UBR4: variants seen among roughly 807,000 people sequenced by gnomAD.
UBR4 encodes the protein ubiquitin protein ligase E3 component n-recognin 4, also known as E3 ubiquitin-protein ligase UBR4.
In UBR4, 124 loss-of-function variants were observed where a neutral mutation model predicts 575.6. The ratio of observed to expected loss-of-function variants is 0.22; its 90% CI spans 0.19 to 0.25. The LOEUF (loss-of-function observed/expected upper bound fraction) is 0.25. UBR4 is among the 10% of genes least tolerant of loss of function. The pLI, the probability that UBR4 is intolerant of heterozygous loss-of-function variation, is 1.00. For missense variants in UBR4, 4,818 were observed against 6,478.8 expected (o/e 0.74, Z 8.80); for synonymous variants, 2,455 against 2,473.7 (o/e 0.99, Z 0.22).
chr1:19,120,474 G>A (rs1006532024), intron 68 of UBR4, 126 bp from the exon 69 acceptor site: 7 of 1,222,612 alleles, frequency 5.7e-6, no homozygotes, highest in East Asian at 2.4e-5. Context: ...ACTGAATGCT[G>A]ATATTCTGCA....
Position 19,110,243 on chromosome 1 carries a change from G to T in UBR4, c.11978-20C>A. The stretch of plus-strand genomic sequence containing the variant: ...TGAGAGCTAGGGATGGTCAGGAAAG[G>T]CAGAGTCACAATCAGGAACACTACA... On this transcript the variant is annotated intron_variant, in intron 80 of 105. Transcript: ENST00000375254. This position sits in a 1 kb window ranked among gnomAD's most constrained non-coding sequence, Gnocchi z 4.5. The T allele has an allele frequency of 1.9e-6, 3 of 1,614,182 alleles. No homozygotes were observed. Among genetic ancestry groups the T allele is most frequent in the Non-Finnish European group, 2.5e-6 (3 of 1,180,024 alleles).
chr1:19,149,866 C>A, intron 49 of UBR4: 1 of 1,217,192 alleles, frequency 8.2e-7, no homozygotes, highest in Non-Finnish European at 1.1e-6. Flanking sequence ...GAAACACATC[C>A]TAAGCAAACC....
At chr1:19,206,744 A>G (rs1485949700) in intron 1 of UBR4, among the ~76,000 whole-genome samples, 3 of 152,136 alleles carry the variant, frequency 2.0e-5, no homozygotes, top group Admixed American at 1.3e-4. Flanking sequence ...ATAAATTCAG[A>G]TATCTTTTTC....
chr1:19,171,893 G>C (rs752475007), intron 25 of UBR4, among the ~76,000 whole-genome samples: 2 of 151,922 alleles, frequency 1.3e-5, no homozygotes, highest in Non-Finnish European at 2.9e-5. Flanking sequence ...GATCCTACAG[G>C]GACCAGATAA....
chr1:19,115,151 C>T (rs1219832530), intron 74 of UBR4, among the ~76,000 whole-genome samples: 1 of 151,986 alleles, frequency 6.6e-6, no homozygotes, highest in Non-Finnish European at 1.5e-5. Flanking sequence ...CCTCCCTCCG[C>T]CCTTACCCTC....
rs573087581 is a variant in UBR4, at chr1:19,093,901, G to A, written c.13937+48C>T. On this transcript the variant is annotated intron_variant, in intron 95 of 105. Transcript: ENST00000375254. The surrounding 1 kb of genome is among the most constrained non-coding windows in gnomAD (Gnocchi z 4.8). ...CCTCATCTCACAGACCTAGTTCGGC[G>A]TTTTAGTGGAGACTCTCATTTCACT... The A allele has an allele frequency of 4.7e-5, 74 of 1,575,172 alleles. No homozygotes were observed. The highest frequency in any genetic ancestry group is 2.3e-4 in the East Asian group (10 of 44,392).
chr1:19,184,321 T>C (rs2091314471), intron 15 of UBR4, 146 bp from the exon 16 acceptor site: 1 of 899,504 alleles, frequency 1.1e-6, no homozygotes, highest in South Asian at 1.8e-5. Flanking sequence ...TTAAATCACT[T>C]ACAGTGGGCC....
Position 19,197,974 on chromosome 1 carries a change from G to A in UBR4, c.724C>T (p.Gln242Ter). 6.2e-7 allele frequency: 1 copy of A among 1,614,144 alleles called. No individual in the cohort carries two copies. The highest frequency in any genetic ancestry group is 8.5e-7 in the Non-Finnish European group (1 of 1,180,046). ...AIKTKNVFIA[Q>*]NVASLQELGG... ...AGCTCTTGAAGACTAGCCACGTTCT[G>A]AGCTATGAACACATTCTTGGTTTTG... The change falls in exon 6 of 106, where the codon CAG (glutamine) becomes TAG (stop). Residue 242 changes from glutamine (Q) to a stop codon, truncating the protein, a stop_gained. Coordinates refer to ENST00000375254, the MANE Select transcript of UBR4 (RefSeq NM_020765.3). LOFTEE classifies it high-confidence loss of function.
At chr1:19,195,024 G>C (rs2092363825) in intron 8 of UBR4, among the ~76,000 whole-genome samples, 1 of 151,580 alleles carries the variant, frequency 6.6e-6, no homozygotes, top group African/African-American at 2.4e-5. Flanking sequence ...ACTTTAGGAG[G>C]CCAAGGCGGG....
chr1:19,141,564 G>T (rs768067236), intron 56 of UBR4, 40 bp from the exon 57 acceptor site: 3 of 1,597,354 alleles, frequency 1.9e-6, no homozygotes, highest in Non-Finnish European at 2.6e-6. Context: ...ATGGTAAGTG[G>T]TAACTTTTGG....
At chr1:19,087,621 A>G (rs1386590964) in intron 99 of UBR4, among the ~76,000 whole-genome samples, 195 bp downstream of exon 99, 1 of 152,260 alleles carries the variant, frequency 6.6e-6, no homozygotes, top group African/African-American at 2.4e-5. Context: ...GATGATAAAG[A>G]TAACAAAGTC....
chr1:19,096,881 C>CA (rs1371102910), intron 91 of UBR4, among the ~76,000 whole-genome samples: 3 of 151,998 alleles, frequency 2.0e-5, no homozygotes, highest in Non-Finnish European at 4.4e-5. Context: ...ACTCAAATGT[C>CA]AAAGTATGAG....
intron 83 of UBR4, among the ~76,000 whole-genome samples, chr1:19,106,347 C>G (rs548839639): frequency 4.6e-5 from 7 of 152,090 alleles, no homozygotes; most frequent in Non-Finnish European, 1.0e-4. Context: ...GCACAAGGAG[C>G]GTGTTAAGAT....
Position 19,160,209 on chromosome 1 carries a change from G to C in UBR4, c.5479C>G (p.Gln1827Glu). 6.2e-7 allele frequency: 1 copy of C among 1,613,938 alleles called. No individual in the cohort carries two copies. The highest frequency in any genetic ancestry group is 2.2e-5 in the East Asian group (1 of 44,864). Residue 1827 changes from glutamine to glutamate, a missense_variant, in exon 39 of 106, where the codon CAG becomes GAG. By Grantham distance (29) the Gln-to-Glu change is conservative (BLOSUM62 2). Around this residue, in one of 29 missense-constraint regions of UBR4, gnomAD observed 159 missense variants for 174.6 expected, o/e 0.91. Coordinates refer to ENST00000375254, the MANE Select transcript of UBR4 (RefSeq NM_020765.3). ...FLMDAIQTNF[Q>E]QASAVGSSSR... ...CTGCTCCCGACGGCTGAAGCTTGCT[G>C]GAAGTTGGTCTGAATGGCATCCATA...
chr1:19,112,848 T>C lies in UBR4; in HGVS notation c.11477A>G (p.Lys3826Arg). ...KIIQKVFASR[K>R]ELLEYDLQQR... ...CTGTAGGTCATATTCCAACAACTCT[T>C]TGCGCGAAGCAAAGACTTTCTAAGA... The change falls in exon 78 of 106, where the codon AAA (lysine) becomes AGA (arginine). Residue 3826 changes from lysine to arginine, a missense_variant. Lys to Arg is a conservative substitution (Grantham distance 26, BLOSUM62 2). Coordinates refer to ENST00000375254, the MANE Select transcript of UBR4 (RefSeq NM_020765.3). The C allele has an allele frequency of 2.5e-6, 4 of 1,588,022 alleles. No individual in the cohort carries two copies. Among genetic ancestry groups the C allele is most frequent in the Non-Finnish European group, 3.4e-6 (4 of 1,163,128 alleles).
rs1350629888 is a variant in UBR4 at position 19,187,423 on chromosome 1, T to C, written c.1494+18A>G. The C allele has an allele frequency of 2.5e-6, 4 of 1,613,784 alleles. No individual in the cohort carries two copies. The highest frequency in any genetic ancestry group is 2.2e-5 in the South Asian group (2 of 91,056). ...CCCGCAATCAATATGCTGATTACCA[T>C]GGGGATAACCTCCTCACCTTGTGAA... On this transcript the variant is annotated intron_variant, in intron 12 of 105. Transcript: ENST00000375254.
chr1:19,202,298 A>G (rs918222081), intron 1 of UBR4, among the ~76,000 whole-genome samples: 2 of 152,220 alleles, frequency 1.3e-5, no homozygotes, highest in Admixed American at 6.5e-5. Flanking sequence ...AAACATTTTC[A>G]AAGTCAAGCA....
rs544498386 is a variant in UBR4, at chr1:19,152,847, T to G, written c.6833-371A>C. ...AAATTTAAGGTAATGTGATGATCCC[T>G]GTAATGGTCTTTGCTTAGCTGGATT... On this transcript the variant is annotated intron_variant, in intron 46 of 105. Coordinates refer to ENST00000375254, the MANE Select transcript of UBR4 (RefSeq NM_020765.3). This position sits in a 1 kb window ranked among gnomAD's most constrained non-coding sequence, Gnocchi z 4.4. Among the ~76,000 whole-genome samples the G allele has an allele frequency of 2.6e-5, 4 of 152,358 alleles. No homozygotes were observed. The South Asian group carries it at 8.3e-4, about 32-fold the overall frequency.
chr1:19,160,002 A>G (rs749667474), intron 39 of UBR4, 109 bp downstream of exon 39: 24 of 1,409,508 alleles, frequency 1.7e-5, no homozygotes, highest in Non-Finnish European at 2.0e-5. Context: ...TGGATGGCCA[A>G]GCATCAACTG....
Sources: gnomAD v4.1 joint callset for allele counts (sites outside exome capture counted in the v4.1 genomes callset) on GRCh38, gnomAD v4.1.1 for gene constraint, gnomAD v4.1.1 regional missense constraint, Gnocchi (gnomAD v3.1) non-coding constraint, MANE v1.5 for transcripts, NCBI Gene and HGNC (gene_info 2026-07-23, HGNC 2026-07-21) for gene names.